The following PBX3 variants were observed in gnomAD, a reference collection of about 807,000 sequenced individuals.
PBX3 encodes the protein pre-B-cell leukemia transcription factor 3.
Under a neutral mutation model 48.5 loss-of-function variants are expected in PBX3, and 14 were observed. The ratio of observed to expected loss-of-function variants is 0.29; its 90% CI spans 0.19 to 0.45. The LOEUF is 0.45. Ranked by LOEUF, PBX3 falls within the 20% of genes least tolerant of loss-of-function variation. The pLI, the probability that PBX3 is intolerant of heterozygous loss-of-function variation, is 1.00. For synonymous variants in PBX3, 210 were observed against 200.3 expected (o/e 1.05, Z -0.41); for missense variants, 386 against 546.7 (o/e 0.71, Z 2.93).
intron 2 of PBX3, among the ~76,000 whole-genome samples, chr9:125,750,869 C>G (rs140039743): frequency 7.6e-4 from 116 of 152,274 alleles, no homozygotes; most frequent in Middle Eastern, 3.4e-3. Flanking sequence ...TTTCCATTCT[C>G]CCCTACTACC....
intron 2 of PBX3, among the ~76,000 whole-genome samples, chr9:125,848,613 T>G (rs946399618): frequency 1.3e-5 from 2 of 152,072 alleles, no homozygotes; most frequent in African/African-American, 4.8e-5. Context: ...ATTGTCCTCA[T>G]TGACTTGCTA....
chr9:125,849,871 TAATC>T (rs1043344935), intron 2 of PBX3, among the ~76,000 whole-genome samples: 5 of 152,012 alleles, frequency 3.3e-5, no homozygotes, highest in African/African-American at 1.2e-4. Flanking sequence ...CGTTTTTACT[TAATC>T]AACAGTGTAA....
intron 3 of PBX3, among the ~76,000 whole-genome samples, chr9:125,917,374 A>T (rs1329314916): frequency 6.6e-6 from 1 of 152,306 alleles, no homozygotes; most frequent in African/African-American, 2.4e-5. Context: ...ACCTACATTG[A>T]CACATCATTA....
chr9:125,774,307 C>T (rs1386754611), intron 2 of PBX3, among the ~76,000 whole-genome samples: 2 of 152,200 alleles, frequency 1.3e-5, no homozygotes, highest in African/African-American at 2.4e-5. Flanking sequence ...CACCTCCTGC[C>T]AGGCCCCACC....
intron 2 of PBX3, among the ~76,000 whole-genome samples, chr9:125,847,441 C>A (rs1262147216): frequency 2.6e-5 from 4 of 151,752 alleles, no homozygotes; most frequent in Non-Finnish European, 4.4e-5. Flanking sequence ...TATTTTGAAT[C>A]ATGTTTTAGA....
At chr9:125,826,470 T>G (rs1195023543) in intron 2 of PBX3, among the ~76,000 whole-genome samples, 1 of 152,160 alleles carries the variant, frequency 6.6e-6, no homozygotes, top group Admixed American at 6.6e-5. Flanking sequence ...GATTATGGGA[T>G]TTTTTCCTTT....
intron 5 of PBX3, among the ~76,000 whole-genome samples, chr9:125,943,498 CCTT>C (rs1252011530): frequency 6.6e-6 from 1 of 151,396 alleles, no homozygotes; most frequent in Non-Finnish European, 1.5e-5. Flanking sequence ...ATTTTTGTCC[CCTT>C]TGCCTTCTTT....
chr9:125,828,832 G>A (rs1235764760), intron 2 of PBX3, among the ~76,000 whole-genome samples: 1 of 152,172 alleles, frequency 6.6e-6, no homozygotes, highest in Non-Finnish European at 1.5e-5. Flanking sequence ...CCTATTAAAA[G>A]TATTTCAAAA....
At chr9:125,783,776 A>T (rs1025642426) in intron 2 of PBX3, among the ~76,000 whole-genome samples, 2 of 152,074 alleles carry the variant, frequency 1.3e-5, no homozygotes, top group African/African-American at 4.8e-5. Flanking sequence ...AGGCGGGCAG[A>T]TCACCTGAAG....
chr9:125,780,459 G>T (rs551464302), intron 2 of PBX3, among the ~76,000 whole-genome samples: 176 of 126,116 alleles, frequency 1.4e-3, no homozygotes, highest in African/African-American at 4.1e-3. Flanking sequence ...CTGGCCGGGC[G>T]GGGGGCTGAC....
intron 2 of PBX3, among the ~76,000 whole-genome samples, chr9:125,758,174 ATGTATTGCATGAAC>A (rs1297041312): frequency 6.6e-6 from 1 of 152,198 alleles, no homozygotes; most frequent in Non-Finnish European, 1.5e-5. Context: ...TGTTCTGTCA[ATGTATTGCATGAAC>A]TAATTTTGAT....
intron 2 of PBX3, among the ~76,000 whole-genome samples, chr9:125,906,887 A>G (rs1303958054): frequency 6.6e-6 from 1 of 152,066 alleles, no homozygotes; most frequent in Non-Finnish European, 1.5e-5. Context: ...TTTTAACCAG[A>G]ACACTGTGTA....
At chr9:125,748,865 C>T in intron 2 of PBX3, 1 of 343,966 alleles carries the variant, frequency 2.9e-6, no homozygotes, top group Non-Finnish European at 5.3e-6. Context: ...CCTCGGCGGC[C>T]GCCCCTGGCT....
At chr9:125,851,325 A>G (rs1839570272) in intron 2 of PBX3, among the ~76,000 whole-genome samples, 1 of 152,106 alleles carries the variant, frequency 6.6e-6, no homozygotes, top group South Asian at 2.1e-4. Flanking sequence ...TAAAATCTAA[A>G]TCAACATTAT....
chr9:125,768,282 TATTTA>T (rs1836853036), intron 2 of PBX3, among the ~76,000 whole-genome samples: 1 of 152,220 alleles, frequency 6.6e-6, no homozygotes, highest in Non-Finnish European at 1.5e-5. Context: ...TTAGAATCTG[TATTTA>T]ATTTGTTAAA....
At chr9:125,758,622 A>G (rs543733628) in intron 2 of PBX3, among the ~76,000 whole-genome samples, 1 of 152,190 alleles carries the variant, frequency 6.6e-6, no homozygotes, top group African/African-American at 2.4e-5. Context: ...GTTAGAATTG[A>G]TGGCCAAGCT....
chr9:125,768,850 A>T (rs1836867149), intron 2 of PBX3, among the ~76,000 whole-genome samples: 1 of 152,216 alleles, frequency 6.6e-6, no homozygotes. Flanking sequence ...TTTTGCTTGA[A>T]AGCATGAATT....
intron 2 of PBX3, among the ~76,000 whole-genome samples, chr9:125,862,939 G>C (rs1245111677): frequency 6.6e-6 from 1 of 152,130 alleles, no homozygotes; most frequent in Non-Finnish European, 1.5e-5. Flanking sequence ...CTGTCGCCCA[G>C]GCTGGAGTGC....
At chr9:125,897,128 A>G (rs1008172510) in intron 2 of PBX3, among the ~76,000 whole-genome samples, 2 of 135,686 alleles carry the variant, frequency 1.5e-5, no homozygotes, top group African/African-American at 5.4e-5. Context: ...TGTGGGCTTT[A>G]TATTCATTTG....
Sources: gnomAD v4.1 joint callset for allele counts (sites outside exome capture counted in the v4.1 genomes callset) on GRCh38, gnomAD v4.1.1 for gene constraint, MANE v1.5 for transcripts, NCBI Gene and HGNC (gene_info 2026-07-23, HGNC 2026-07-21) for gene names.